Variants in TXNDC16 observed in about 807,000 individuals in gnomAD.
TXNDC16 encodes the protein thioredoxin domain containing 16, also known as thioredoxin domain-containing protein 16.
Under a neutral mutation model 85.6 loss-of-function variants are expected in TXNDC16, and 74 were observed. The observed-to-expected ratio is 0.86, with a 90% confidence interval of 0.72 to 1.05. The LOEUF (loss-of-function observed/expected upper bound fraction) is 1.05. TXNDC16 is among the 50% of genes least tolerant of loss of function. TXNDC16 has a pLI of 0.00. For missense variants in TXNDC16, 959 were observed against 947.0 expected, an observed-to-expected ratio of 1.01 and a Z score of -0.17; for synonymous variants, 335 against 326.5, an observed-to-expected ratio of 1.03 and a Z score of -0.28.
At chr14:52,528,320 T>C (rs530756370) in intron 6 of TXNDC16, among the ~76,000 whole-genome samples, 1 of 152,140 alleles carries the variant, frequency 6.6e-6, no homozygotes, top group Non-Finnish European at 1.5e-5. Flanking sequence ...AAGTAACACA[T>C]ATTCTCTAAC....
At chr14:52,533,848 T>C (rs2037639232) in intron 6 of TXNDC16, among the ~76,000 whole-genome samples, 2 of 151,850 alleles carry the variant, frequency 1.3e-5, no homozygotes, top group African/African-American at 4.8e-5. Context: ...GACTCAAAGA[T>C]AAGAAAAGCA....
At chr14:52,460,133 G>C (rs976257299) in intron 16 of TXNDC16, among the ~76,000 whole-genome samples, 1 of 152,170 alleles carries the variant, frequency 6.6e-6, no homozygotes, top group African/African-American at 2.4e-5. Flanking sequence ...TCAGCACTTT[G>C]GGAGGCCGAG....
At chr14:52,530,045 TTA>T (rs2037463525) in intron 6 of TXNDC16, among the ~76,000 whole-genome samples, 1 of 102,052 alleles carries the variant, frequency 9.8e-6, no homozygotes, top group Non-Finnish European at 1.7e-5. Context: ...TTTATGTAAT[TTA>T]TTTATACATT....
chr14:52,475,142 A>G (rs1475222391), intron 14 of TXNDC16, among the ~76,000 whole-genome samples: 2 of 152,186 alleles, frequency 1.3e-5, no homozygotes, highest in African/African-American at 4.8e-5. Context: ...ATACACGGGT[A>G]AAGGAAGCAG....
At chr14:52,502,024 C>A (rs1388984715) in intron 9 of TXNDC16, among the ~76,000 whole-genome samples, 1 of 152,168 alleles carries the variant, frequency 6.6e-6, no homozygotes, top group Non-Finnish European at 1.5e-5. Flanking sequence ...CTGTTCTGGT[C>A]TATGAAAGTC....
intron 1 of TXNDC16, among the ~76,000 whole-genome samples, chr14:52,550,913 A>G (rs1337847005): frequency 6.6e-6 from 1 of 152,204 alleles, no homozygotes; most frequent in Admixed American, 6.5e-5. Context: ...CCCTGACCAC[A>G]TTCTCTAAAA....
At chr14:52,477,695 A>G (rs967352345) in intron 14 of TXNDC16, among the ~76,000 whole-genome samples, 11 of 152,222 alleles carry the variant, frequency 7.2e-5, no homozygotes, top group Non-Finnish European at 1.3e-4. Flanking sequence ...TAATAGACCT[A>G]TGAAATGAGA....
Position 52,457,158 on chromosome 14 carries a change from A to G in TXNDC16, c.1635T>C (p.Ser545=). Residue 545 remains serine (S), a synonymous_variant, in exon 17 of 21, where the codon AGT becomes AGC. Transcript: ENST00000281741. ...PTMKTAKEDF[S]EAGNYLKGYV... is the part of the protein sequence containing the mutation. ...ATCCTTTTAGGTAGTTTCCTGCTTC[A>G]CTAAAATCTTCTTTTGCTATAAATA... 1 of 1,584,758 alleles carries G rather than the reference A, an allele frequency of 6.3e-7. No homozygotes were observed. The highest frequency in any genetic ancestry group is 8.6e-7 in the Non-Finnish European group (1 of 1,168,392).
At chr14:52,510,978 T>C (rs919215299) in intron 9 of TXNDC16, among the ~76,000 whole-genome samples, 3 of 152,198 alleles carry the variant, frequency 2.0e-5, no homozygotes, top group Admixed American at 6.5e-5. Context: ...CACAATGCTC[T>C]ATTTGGGTTT....
chr14:52,506,402 A>T (rs2036801107), intron 9 of TXNDC16, among the ~76,000 whole-genome samples: 1 of 152,172 alleles, frequency 6.6e-6, no homozygotes, highest in Non-Finnish European at 1.5e-5. Flanking sequence ...CATCCCTGGG[A>T]TACAAGGCTG....
intron 14 of TXNDC16, among the ~76,000 whole-genome samples, chr14:52,476,728 A>G (rs756312751): frequency 3.3e-5 from 5 of 152,168 alleles, no homozygotes; most frequent in Non-Finnish European, 7.3e-5. Context: ...TCTTAAGAAG[A>G]GAAATCTATT....
chr14:52,546,661 A>G (rs1048962711), intron 1 of TXNDC16, among the ~76,000 whole-genome samples: 1 of 152,210 alleles, frequency 6.6e-6, no homozygotes, highest in Non-Finnish European at 1.5e-5. Flanking sequence ...ACTCCCAGCT[A>G]ATGTGTAATA....
Position 52,490,856 on chromosome 14 carries a change from T to G in TXNDC16, c.906A>C (p.Gly302=). 6.2e-7 allele frequency: 1 copy of G among 1,612,024 alleles called. No individual in the cohort carries two copies. Among genetic ancestry groups the G allele is most frequent in the Non-Finnish European group, 8.5e-7 (1 of 1,179,504 alleles). The change falls in exon 10 of 21, where the codon GGA becomes GGC. Residue 302 remains glycine, a synonymous_variant. Transcript: ENST00000281741. ...TAAGATACCTTAACAAGAGTAGAAC[T>G]CCTGCTTTTCCCAGAAGACGCCAAG... is the stretch of plus-strand genomic sequence containing the variant. The part of the protein sequence containing the change: ...WVAWRLLGKA[G]VLLLLRDSLE...
At position 52,488,343 on chromosome 14, in the gene TXNDC16, T is replaced by A; in HGVS notation, c.1108+20A>T. 1 of 1,610,698 alleles carries A rather than the reference T, an allele frequency of 6.2e-7. No individual in the cohort carries two copies. The highest frequency in any genetic ancestry group is 8.5e-7 in the Non-Finnish European group (1 of 1,178,342). ...GGTGCTGGGCAGGATGGGGAAGGGG[T>A]GAGAATCATAACACATTACCTATAT... is the stretch of plus-strand genomic sequence containing the variant. On this transcript the variant is annotated intron_variant, in intron 12 of 20. Coordinates refer to ENST00000281741, the MANE Select transcript of TXNDC16 (RefSeq NM_020784.3).
chr14:52,459,060 A>C (rs1400287016), intron 16 of TXNDC16, among the ~76,000 whole-genome samples: 4 of 152,214 alleles, frequency 2.6e-5, no homozygotes, highest in Admixed American at 6.5e-5. Flanking sequence ...AAATACAAGA[A>C]AGTACTCAAT....
chr14:52,521,453 G>A (rs1352398800), intron 6 of TXNDC16, among the ~76,000 whole-genome samples: 3 of 151,824 alleles, frequency 2.0e-5, no homozygotes, highest in African/African-American at 4.8e-5. Flanking sequence ...TCTTTAATTC[G>A]GACTAAATAG....
At chr14:52,519,346 C>T (rs1308756444) in intron 6 of TXNDC16, 53 bp from the exon 7 acceptor site, 8 of 1,369,552 alleles carry the variant, frequency 5.8e-6, no homozygotes, top group Non-Finnish European at 8.1e-6. Flanking sequence ...TATTTAGTTA[C>T]ACCACACTTC....
At chr14:52,519,515 T>A (rs905864515) in intron 6 of TXNDC16, among the ~76,000 whole-genome samples, 5 of 152,220 alleles carry the variant, frequency 3.3e-5, no homozygotes, top group Non-Finnish European at 7.3e-5. Context: ...ACAATGTTCA[T>A]TATGTATTAC....
At chr14:52,488,589 A>C in intron 11 of TXNDC16, 103 bp from the exon 12 acceptor site, 1 of 918,560 alleles carries the variant, frequency 1.1e-6, no homozygotes, top group Non-Finnish European at 1.6e-6. Context: ...TAATCCCAGC[A>C]CTTTGGGAGG....
Sources: allele counts gnomAD v4.1 joint callset (sites outside exome capture counted in the v4.1 genomes callset), GRCh38; gene constraint gnomAD v4.1.1; transcripts MANE v1.5; gene names NCBI Gene and HGNC (gene_info 2026-07-23, HGNC 2026-07-21).